BCKDHB: variants seen among roughly 807,000 people sequenced by gnomAD.
BCKDHB encodes the protein branched chain keto acid dehydrogenase E1 subunit beta, also known as 2-oxoisovalerate dehydrogenase subunit beta, mitochondrial.
A neutral mutation model predicts 48.5 loss-of-function variants in BCKDHB; 41 were observed. That is an observed-to-expected ratio of 0.85 (90% CI 0.66 to 1.10). The LOEUF is 1.10. BCKDHB is among the 50% of genes least tolerant of loss of function. The pLI is 0.00. For synonymous variants in BCKDHB, 201 were observed against 174.8 expected (o/e 1.15, Z -1.18); for missense variants, 496 against 494.2 (o/e 1.00, Z -0.03).
chr6:80,438,001 C>T, the BCKDHB span, among the ~76,000 whole-genome samples: 1 of 152,178 alleles, frequency 6.6e-6, no homozygotes, highest in African/African-American at 2.4e-5. Context: ...TGTATTTATT[C>T]ATGTGGATGT....
At chr6:80,439,750 C>A in the BCKDHB span, among the ~76,000 whole-genome samples, 1 of 152,256 alleles carries the variant, frequency 6.6e-6, no homozygotes, top group African/African-American at 2.4e-5. Context: ...TGCTCTACAG[C>A]AGGGGAAATC....
intron 8 of BCKDHB, among the ~76,000 whole-genome samples, chr6:80,223,983 C>T (rs950732555): frequency 6.6e-6 from 1 of 151,960 alleles, no homozygotes; most frequent in Non-Finnish European, 1.5e-5. Flanking sequence ...TTAATTAGTC[C>T]CTCTAGGGAT....
At chr6:80,370,281 C>G in the BCKDHB span, among the ~76,000 whole-genome samples, 111 of 152,246 alleles carry the variant, frequency 7.3e-4, no homozygotes, top group African/African-American at 2.6e-3. Context: ...CTGTCTTTCT[C>G]TTCGGAAAAA....
chr6:80,336,109 C>T (rs1209126975), intron 9 of BCKDHB, among the ~76,000 whole-genome samples: 4 of 151,762 alleles, frequency 2.6e-5, no homozygotes, highest in Admixed American at 1.3e-4. Flanking sequence ...AATAGTAATT[C>T]ATATTCTTAA....
chr6:80,161,568 C>T lies in BCKDHB; in HGVS notation c.344-6110C>T, dbSNP rs143368213. Among the ~76,000 whole-genome samples, 264 of 152,340 alleles carry T rather than the reference C, an allele frequency of 1.7e-3. 1 individual carries two copies. The highest frequency in any genetic ancestry group is 6.0e-3 in the African/African-American group (250 of 41,584). On this transcript the variant is annotated intron_variant, in intron 3 of 9. Transcript: ENST00000320393. ...TAAGTGCTAAGCACTGACACTCCCC[C>T]TCCTTGTCCTTATGGACCTCAGGCT...
At chr6:80,303,196 A>T (rs1295101047) in intron 9 of BCKDHB, among the ~76,000 whole-genome samples, 1 of 152,060 alleles carries the variant, frequency 6.6e-6, no homozygotes, top group Non-Finnish European at 1.5e-5. Flanking sequence ...AATGCTTTAT[A>T]TATATATATT....
chr6:80,218,872 G>A (rs779698431), intron 8 of BCKDHB, among the ~76,000 whole-genome samples: 17 of 152,124 alleles, frequency 1.1e-4, no homozygotes, highest in Non-Finnish European at 2.2e-4. Flanking sequence ...TTGAAAAGCA[G>A]TACACACTGT....
chr6:80,157,696 C>G (rs973209844), intron 3 of BCKDHB, among the ~76,000 whole-genome samples: 1 of 150,530 alleles, frequency 6.6e-6, no homozygotes, highest in African/African-American at 2.4e-5. Flanking sequence ...TCAGGCTGGT[C>G]TTGAACTCCT....
intron 8 of BCKDHB, among the ~76,000 whole-genome samples, chr6:80,227,170 T>C (rs768954206): frequency 5.7e-4 from 87 of 152,302 alleles, no homozygotes; most frequent in Non-Finnish European, 1.1e-3. Flanking sequence ...GTATTACAGA[T>C]TGTCTATATT....
chr6:80,436,301 G>C, the BCKDHB span, among the ~76,000 whole-genome samples: 32 of 151,480 alleles, frequency 2.1e-4, no homozygotes, highest in Non-Finnish European at 3.5e-4. Context: ...TGGGACTACA[G>C]GTGACCGCCA....
At chr6:80,256,224 CAGG>C (rs532350070) in intron 8 of BCKDHB, among the ~76,000 whole-genome samples, 1 of 152,124 alleles carries the variant, frequency 6.6e-6, no homozygotes, top group Non-Finnish European at 1.5e-5. Context: ...CACTTAACGA[CAGG>C]AGTACATTCT....
chr6:80,225,680 A>C (rs1162793153), intron 8 of BCKDHB, among the ~76,000 whole-genome samples: 1 of 152,194 alleles, frequency 6.6e-6, no homozygotes, highest in Non-Finnish European at 1.5e-5. Flanking sequence ...AAATTCCATC[A>C]ACATTTTCCC....
In BCKDHB at chr6:80,107,545, A is replaced by ATATATATATATGCG. The variant is rs1562050688; in HGVS notation, c.196+656_196+657insTATATATATATGCG. Among the ~76,000 whole-genome samples the ATATATATATATGCG allele has an allele frequency of 1.2e-3, 151 of 121,800 alleles. 2 individuals are homozygous for ATATATATATATGCG. The highest frequency in any genetic ancestry group is 5.2e-3 in the African/African-American group (140 of 27,044). The allele number at this position is 121,800 out of a possible 152,430, so 79.9% of individuals were successfully genotyped here. ...TATATATATGCATATATATATATGCACACATATATATGCATATATATATGC... is the reference window on the plus strand; with the variant it reads ...TATATATATGCATATATATATATGCATATATATATATGCGCACATATATATGCATATATATATGC... On this transcript the variant is annotated intron_variant, in intron 1 of 9. Transcript: ENST00000320393.
intron 4 of BCKDHB, 29 bp from the exon 5 acceptor site, chr6:80,168,846 C>G (rs1262793444): frequency 6.2e-7 from 1 of 1,611,644 alleles, no homozygotes; most frequent in Non-Finnish European, 8.5e-7. Context: ...CTCATTGTGC[C>G]ATGCCCCGTC....
chr6:80,301,842 T>G (rs1029693940), intron 9 of BCKDHB, among the ~76,000 whole-genome samples: 5 of 152,160 alleles, frequency 3.3e-5, no homozygotes, highest in African/African-American at 9.7e-5. Context: ...TGGTTCAATG[T>G]AAGCAAATCA....
chr6:80,282,751 C>A (rs1766404494), intron 9 of BCKDHB, among the ~76,000 whole-genome samples: 2 of 151,902 alleles, frequency 1.3e-5, no homozygotes, highest in African/African-American at 4.8e-5. Context: ...CACTATAAGT[C>A]TTTTATTGAT....
At chr6:80,455,696 T>C in the BCKDHB span, among the ~76,000 whole-genome samples, 1 of 151,884 alleles carries the variant, frequency 6.6e-6, no homozygotes, top group Non-Finnish European at 1.5e-5. Context: ...TCTCTGCATG[T>C]TTTCAATCCC....
the BCKDHB span, among the ~76,000 whole-genome samples, chr6:80,423,185 GCT>G: frequency 6.6e-6 from 1 of 151,864 alleles, no homozygotes; most frequent in Non-Finnish European, 1.5e-5. Context: ...TGTTCCCTAT[GCT>G]CTCTCTCTCT....
the BCKDHB span, among the ~76,000 whole-genome samples, chr6:80,459,225 T>C: frequency 2.6e-5 from 4 of 152,168 alleles, no homozygotes; most frequent in African/African-American, 9.7e-5. Context: ...ATGTGGAAAC[T>C]ATCCAAAAGT....
Sources: gnomAD v4.1 joint callset for allele counts (sites outside exome capture counted in the v4.1 genomes callset) on GRCh38, gnomAD v4.1.1 for gene constraint, MANE v1.5 for transcripts, NCBI Gene and HGNC (gene_info 2026-07-23, HGNC 2026-07-21) for gene names.